ADCY8: variants seen among roughly 807,000 people sequenced by gnomAD.
ADCY8 encodes adenylate cyclase type 8.
A neutral mutation model predicts 119.7 loss-of-function variants in ADCY8; 51 were observed. The ratio of observed to expected loss-of-function variants is 0.43; its 90% CI spans 0.34 to 0.54. ADCY8 has a LOEUF of 0.54. ADCY8 is among the 20% of genes least tolerant of loss of function. ADCY8 has a pLI of 0.03. For missense variants in ADCY8, 1,383 were observed against 1,598.8 expected (o/e 0.87, Z 2.30); for synonymous variants, 665 against 651.0 (o/e 1.02, Z -0.33).
chr8:130,944,773 C>T (rs1308971375), intron 3 of ADCY8, among the ~76,000 whole-genome samples: 2 of 152,168 alleles, frequency 1.3e-5, no homozygotes, highest in Non-Finnish European at 2.9e-5. Context: ...TTGAATGGCT[C>T]ATTCTTTCAG....
rs1287942068 is a variant in ADCY8, at chr8:130,904,112, G to A, written c.1641-70C>T. On this transcript the variant is annotated intron_variant, in intron 6 of 17. Transcript: ENST00000286355. ...TGCAAAGGCTATATTTTTTTGACCT[G>A]TACAAAACCAACACCAGGGTTACAC... The A allele has an allele frequency of 2.7e-6, 4 of 1,459,716 alleles. No individual in the cohort carries two copies. The East Asian group carries it at 9.4e-5, about 34-fold the overall frequency. The allele number at this position is 1,459,716 out of a possible 1,614,324, so 90.4% of individuals were successfully genotyped here.
rs570647640 is a variant in ADCY8, at chr8:131,040,371, G to T, written c.-38C>A. On this transcript the variant is annotated 5_prime_UTR_variant, in exon 1 of 18. Transcript: ENST00000286355. Reference sequence around the variant, plus strand: ...CAGGGAAGGAGGCCCAGAACCTTGGGGAGGCAGCCGGAGGAGGGGTTCCTA... The same window carrying T: ...CAGGGAAGGAGGCCCAGAACCTTGGTGAGGCAGCCGGAGGAGGGGTTCCTA... 13 of 1,448,946 alleles carry T rather than the reference G, an allele frequency of 9.0e-6. No individual in the cohort carries two copies. The East Asian group carries it at 3.0e-4, about 33-fold the overall frequency. 89.8% of individuals were successfully genotyped at this position (1,448,946 alleles called of 1,614,324 possible).
intron 11 of ADCY8, among the ~76,000 whole-genome samples, chr8:130,842,655 T>C (rs917416075): frequency 5.9e-5 from 9 of 152,058 alleles, no homozygotes; most frequent in Admixed American, 4.6e-4. Flanking sequence ...GGTGGGTCAC[T>C]TGTGGCCAGG....
intron 5 of ADCY8, among the ~76,000 whole-genome samples, chr8:130,931,855 T>C (rs1036617594): frequency 1.3e-5 from 2 of 151,970 alleles, no homozygotes; most frequent in Non-Finnish European, 2.9e-5. Context: ...TTTTATTAAT[T>C]TTTTTTTGCA....
intron 1 of ADCY8, among the ~76,000 whole-genome samples, chr8:131,011,202 T>A (rs1823291832): frequency 6.6e-6 from 1 of 151,998 alleles, no homozygotes; most frequent in Non-Finnish European, 1.5e-5. Flanking sequence ...TAATGACCCA[T>A]GAGTTGCTGG....
intron 11 of ADCY8, among the ~76,000 whole-genome samples, chr8:130,843,475 T>A (rs1314693168): frequency 6.6e-6 from 1 of 152,062 alleles, no homozygotes; most frequent in African/African-American, 2.4e-5. Context: ...AATCAGGGAG[T>A]CCACCTTGGT....
rs186746670 is a variant in ADCY8, at chr8:130,911,718, T to G, written c.1482-1852A>C. Among the ~76,000 whole-genome samples, 29 of 150,468 alleles carry G rather than the reference T, an allele frequency of 1.9e-4. 1 individual carries two copies. In the East Asian group the frequency reaches 5.4e-3, roughly 28 times the overall value. On this transcript the variant is annotated intron_variant, in intron 5 of 17. Transcript: ENST00000286355. Reference sequence around the variant, plus strand: ...TCATTATCCTTTAAAATCCCTATATTATGTATATTTTATGGTATATATTTT... The same window carrying G: ...TCATTATCCTTTAAAATCCCTATATGATGTATATTTTATGGTATATATTTT...
rs376197143 is a variant in ADCY8, at chr8:130,866,354, T to C, written c.2210+1492A>G. Among the ~76,000 whole-genome samples the C allele has an allele frequency of 1.6e-4, 24 of 152,198 alleles. 1 individual carries two copies. The South Asian group carries it at 4.8e-3, about 30-fold the overall frequency. On this transcript the variant is annotated intron_variant, in intron 9 of 17. Coordinates refer to ENST00000286355, the MANE Select transcript of ADCY8 (RefSeq NM_001115.3). ...TGAACATCTTTCTTCCACAGCATCA[T>C]GCTACAATCTTCCTAAAAATCTCCT...
At chr8:130,943,485 G>A in intron 3 of ADCY8, 23 bp from the exon 4 acceptor site, 1 of 1,016,498 alleles carries the variant, frequency 9.8e-7, no homozygotes, top group Non-Finnish European at 1.5e-6. Flanking sequence ...AAGAGGGTGG[G>A]GGTGGGGGGA....
intron 3 of ADCY8, among the ~76,000 whole-genome samples, chr8:130,946,569 G>A (rs931469154): frequency 6.6e-6 from 1 of 152,142 alleles, no homozygotes; most frequent in Non-Finnish European, 1.5e-5. Context: ...TTCTCGCCCT[G>A]TTGGTGCCCC....
intron 3 of ADCY8, chr8:130,949,551 T>C (rs1389608958): frequency 6.6e-6 from 1 of 152,228 alleles, no homozygotes; most frequent in African/African-American, 2.4e-5. Flanking sequence ...CCACCTATGA[T>C]TCTCTGCATG....
chr8:130,940,209 A>T (rs11782721), intron 4 of ADCY8, among the ~76,000 whole-genome samples: 1 of 152,222 alleles, frequency 6.6e-6, no homozygotes, highest in Non-Finnish European at 1.5e-5. Context: ...TAAGAGGCAG[A>T]AGAAGAATTC....
At chr8:130,913,392 A>T (rs1820037987) in intron 5 of ADCY8, among the ~76,000 whole-genome samples, 1 of 151,888 alleles carries the variant, frequency 6.6e-6, no homozygotes, top group South Asian at 2.1e-4. Flanking sequence ...TATGTCCATG[A>T]GTTCAATTGT....
chr8:130,809,043 C>T (rs74845103), intron 14 of ADCY8, among the ~76,000 whole-genome samples: 10 of 152,252 alleles, frequency 6.6e-5, no homozygotes, highest in African/African-American at 2.4e-4. Flanking sequence ...TATTCTAAGC[C>T]AAAAGCACAG....
chr8:130,936,073 ATGTGTGTGTG>A (rs35028784), intron 5 of ADCY8, among the ~76,000 whole-genome samples: 40,854 of 147,016 alleles, frequency 0.28, 6,130 homozygotes, highest in East Asian at 0.51. Context: ...AAGCACTGAC[ATGTGTGTGTG>A]TGTGTGTGTG....
intron 9 of ADCY8, among the ~76,000 whole-genome samples, chr8:130,865,613 A>C (rs1408022575): frequency 6.6e-6 from 1 of 152,152 alleles, no homozygotes; most frequent in Non-Finnish European, 1.5e-5. Flanking sequence ...TGTGTAAAAC[A>C]CTTCCCTGAA....
At chr8:130,796,694 C>T (rs1275727944) in intron 15 of ADCY8, among the ~76,000 whole-genome samples, 10 of 151,980 alleles carry the variant, frequency 6.6e-5, no homozygotes, top group East Asian at 3.9e-4. Flanking sequence ...CAATTCAGGC[C>T]GCTTTTTTAT....
intron 3 of ADCY8, among the ~76,000 whole-genome samples, chr8:130,945,848 G>A (rs1484049577): frequency 5.3e-5 from 8 of 152,208 alleles, no homozygotes; most frequent in Non-Finnish European, 8.8e-5. Context: ...AGCCCTACAT[G>A]TATTCACTCA....
At chr8:130,810,907 C>T (rs749539050) in intron 14 of ADCY8, among the ~76,000 whole-genome samples, 7 of 152,308 alleles carry the variant, frequency 4.6e-5, no homozygotes, top group Middle Eastern at 3.4e-3. Flanking sequence ...CTCTTCTCCA[C>T]TGGTCCTATG....
Sources: gnomAD v4.1 joint callset for allele counts (sites outside exome capture counted in the v4.1 genomes callset) on GRCh38, gnomAD v4.1.1 for gene constraint, MANE v1.5 for transcripts, NCBI Gene and HGNC (gene_info 2026-07-23, HGNC 2026-07-21) for gene names.